Variants in CSRP2 observed in about 807,000 individuals in gnomAD.
CSRP2 encodes the protein cysteine and glycine rich protein 2.
A neutral mutation model predicts 24.6 loss-of-function variants in CSRP2; 18 were observed. The ratio of observed to expected loss-of-function variants is 0.73; its 90% CI spans 0.51 to 1.09. CSRP2 has a LOEUF of 1.09. CSRP2 is among the 50% of genes least tolerant of loss of function. The pLI, the probability that CSRP2 is intolerant of heterozygous loss-of-function variation, is 0.00. For synonymous variants in CSRP2, 87 were observed against 84.3 expected, an observed-to-expected ratio of 1.03 and a Z score of -0.18; for missense variants, 215 against 239.4, an observed-to-expected ratio of 0.90 and a Z score of 0.67.
chr12:76,859,945 A>C (rs972172162), intron 4 of CSRP2, among the ~76,000 whole-genome samples: 1 of 152,174 alleles, frequency 6.6e-6, no homozygotes, highest in Non-Finnish European at 1.5e-5. Context: ...ACTTTTCCAA[A>C]TCCACACACT....
At chr12:76,875,208 C>T (rs1175314391) in intron 1 of CSRP2, among the ~76,000 whole-genome samples, 2 of 152,202 alleles carry the variant, frequency 1.3e-5, no homozygotes, top group Non-Finnish European at 2.9e-5. Context: ...GTGCACCACT[C>T]TCACACCCAA....
chr12:76,862,954 G>C (rs921501654), intron 3 of CSRP2: 140 of 1,489,560 alleles, frequency 9.4e-5, no homozygotes, highest in Non-Finnish European at 1.2e-4. Context: ...GATACAGCTT[G>C]GAATGCTATA....
chr12:76,869,365 C>T (rs1284234185), intron 1 of CSRP2, among the ~76,000 whole-genome samples: 1 of 152,072 alleles, frequency 6.6e-6, no homozygotes, highest in Non-Finnish European at 1.5e-5. Context: ...TCAGAGGGGA[C>T]AAAAACACTC....
At chr12:76,859,239 G>A (rs897553528) in intron 5 of CSRP2, among the ~76,000 whole-genome samples, 1 of 152,208 alleles carries the variant, frequency 6.6e-6, no homozygotes, top group Admixed American at 6.5e-5. Flanking sequence ...GCGTGGTCCT[G>A]CTGAGTTGCA....
At chr12:76,862,912 C>G in intron 3 of CSRP2, 1 of 1,522,110 alleles carries the variant, frequency 6.6e-7, no homozygotes. Flanking sequence ...GAAGTAAATA[C>G]AAATCACTTG....
chr12:76,863,101 C>A, intron 3 of CSRP2, 75 bp downstream of exon 3: 6 of 1,518,440 alleles, frequency 4.0e-6, no homozygotes, highest in Non-Finnish European at 5.3e-6. Context: ...CTGGAGACTG[C>A]CAGGTTCCTG....
intron 1 of CSRP2, among the ~76,000 whole-genome samples, chr12:76,872,542 C>A (rs1275299702): frequency 6.6e-6 from 1 of 152,230 alleles, no homozygotes; most frequent in East Asian, 1.9e-4. Context: ...GACAGGGCAG[C>A]CTCCACATAT....
chr12:76,862,098 A>G (rs994197867), intron 3 of CSRP2: 4 of 152,226 alleles, frequency 2.6e-5, no homozygotes, highest in African/African-American at 7.2e-5. Flanking sequence ...ACATATGCTA[A>G]TGCTGCACGG....
chr12:76,871,775 A>G (rs1179184926), intron 1 of CSRP2, among the ~76,000 whole-genome samples: 4 of 152,016 alleles, frequency 2.6e-5, no homozygotes, highest in African/African-American at 4.8e-5. Context: ...AAAAAAAAAA[A>G]AAAAGAAAAG....
At chr12:76,869,424 G>A (rs117056000) in intron 1 of CSRP2, among the ~76,000 whole-genome samples, 1,675 of 152,060 alleles carry the variant, frequency 0.011, 12 homozygotes, top group Non-Finnish European at 0.017. Context: ...ACTCAGTCAC[G>A]GCCAATCAAC....
chr12:76,859,717 G>T, intron 4 of CSRP2, 77 bp from the exon 5 acceptor site: 2 of 1,084,004 alleles, frequency 1.8e-6, no homozygotes, highest in Non-Finnish European at 2.7e-6. Context: ...GCAAGAAGTG[G>T]CTCAGGATGA....
chr12:76,871,575 C>A (rs1473267724), intron 1 of CSRP2, among the ~76,000 whole-genome samples: 1 of 152,076 alleles, frequency 6.6e-6, no homozygotes, highest in Non-Finnish European at 1.5e-5. Context: ...TCAAGACCAT[C>A]CTGGCTAACA....
chr12:76,872,870 G>A (rs184107715), intron 1 of CSRP2, among the ~76,000 whole-genome samples: 2 of 152,198 alleles, frequency 1.3e-5, no homozygotes, highest in South Asian at 2.1e-4. Context: ...ACGTGTGTCC[G>A]TGTTGTTTTA....
chr12:76,862,753 T>C (rs1953695325), intron 3 of CSRP2: 2 of 1,338,530 alleles, frequency 1.5e-6, no homozygotes, highest in Non-Finnish European at 1.9e-6. Flanking sequence ...AAGTGATTTC[T>C]TGATGAAAAA....
rs1349161004 is a variant in CSRP2, at chr12:76,863,184, T to G, written c.273A>C (p.Lys91Asn). ...ACGGTCTCCCAACTCACCTCTCTGGTTTGATGCCCAGCCTCTCGCCACGGT... is the reference window on the plus strand; with the variant it reads ...ACGGTCTCCCAACTCACCTCTCTGGGTTGATGCCCAGCCTCTCGCCACGGT... Reference protein sequence around the residue: ...NMDRGERLGIKPESVQPHRPT... With the variant: ...NMDRGERLGINPESVQPHRPT... Residue 91 changes from lysine (K) to asparagine (N), a missense_variant, in exon 3 of 6, where the codon AAA becomes AAC. Transcript: ENST00000311083. 1.2e-6 allele frequency: 2 copies of G among 1,612,576 alleles called. No homozygotes were observed. The highest frequency in any genetic ancestry group is 1.7e-6 in the Non-Finnish European group (2 of 1,178,938).
chr12:76,860,641 A>G, intron 3 of CSRP2: 1 of 402,216 alleles, frequency 2.5e-6, no homozygotes, highest in Non-Finnish European at 4.5e-6. Flanking sequence ...AAAACCAGAT[A>G]GGGACCCAAA....
Position 76,860,361 on chromosome 12 carries a change from T to C in CSRP2, c.334A>G (p.Lys112Glu). The change falls in exon 4 of 6, where the codon AAA becomes GAA. Residue 112 changes from lysine (K) to glutamate (E), a missense_variant. Physicochemically the swap from Lys to Glu is moderately conservative, Grantham distance 56 (BLOSUM62 1). Transcript: ENST00000311083. ...TNPNTSKFAQ[K>E]YGGAEKCSRC... ...GAACACTTCTCAGCACCTCCATATT[T>C]CTGAGCAAATTTAGAAGTGTTTGGA... The C allele has an allele frequency of 1.2e-6, 2 of 1,614,118 alleles. No homozygotes were observed. Among genetic ancestry groups the C allele is most frequent in the Non-Finnish European group, 1.7e-6 (2 of 1,180,002 alleles).
At chr12:76,863,381 A>C in intron 2 of CSRP2, 37 bp from the exon 3 acceptor site, 1 of 1,604,492 alleles carries the variant, frequency 6.2e-7, no homozygotes, top group South Asian at 1.1e-5. Context: ...ACATGTTCCA[A>C]AGATGCCTTT....
chr12:76,872,913 G>A (rs1265717220), intron 1 of CSRP2, among the ~76,000 whole-genome samples: 1 of 152,156 alleles, frequency 6.6e-6, no homozygotes, highest in Non-Finnish European at 1.5e-5. Flanking sequence ...GAACCCTTGT[G>A]TTCCTGCACT....
Sources: gnomAD v4.1 joint callset for allele counts (sites outside exome capture counted in the v4.1 genomes callset) on GRCh38, gnomAD v4.1.1 for gene constraint, MANE v1.5 for transcripts, NCBI Gene and HGNC (gene_info 2026-07-23, HGNC 2026-07-21) for gene names.